Variants in BCL2L14 observed in about 807,000 individuals in gnomAD.
The protein encoded by BCL2L14 is BCL2 like 14.
A neutral mutation model predicts 35.3 loss-of-function variants in BCL2L14; 27 were observed. The ratio of observed to expected loss-of-function variants is 0.76; its 90% CI spans 0.56 to 1.05. The LOEUF (loss-of-function observed/expected upper bound fraction) is 1.05, where lower values mean the gene tolerates loss of function less well. Ranked by LOEUF, BCL2L14 falls within the 50% of genes least tolerant of loss-of-function variation. The pLI, the probability that BCL2L14 is intolerant of heterozygous loss-of-function variation, is 0.00. For synonymous variants in BCL2L14, 139 were observed against 145.9 expected (o/e 0.95, Z 0.34); for missense variants, 377 against 382.6 (o/e 0.99, Z 0.12).
Position 12,098,946 on chromosome 12 carries a change from C to T in BCL2L14, c.946-4C>T. ...AATTTTAAGAACCTATTTTTCCCCT[C>T]TAGGAAAAAATACTTGGGATATCAC... is the stretch of plus-strand genomic sequence containing the variant. On this transcript the variant is annotated splice_region_variant and splice_polypyrimidine_tract_variant and intron_variant, in intron 5 of 5. Coordinates refer to ENST00000308721, the MANE Select transcript of BCL2L14 (RefSeq NM_138723.2). 1 of 1,582,198 alleles carries T rather than the reference C, an allele frequency of 6.3e-7. No individual in the cohort carries two copies. Among genetic ancestry groups the T allele is most frequent in the Non-Finnish European group, 8.7e-7 (1 of 1,151,034 alleles).
upstream of BCL2L14, among the ~76,000 whole-genome samples, chr12:12,066,857 C>T (rs189686717): frequency 2.2e-4 from 34 of 151,640 alleles, no homozygotes; most frequent in East Asian, 5.5e-3. Context: ...ACTACAGGCG[C>T]CCACCACCAT....
At chr12:12,084,594 T>A (rs540786194) in intron 2 of BCL2L14, among the ~76,000 whole-genome samples, 1 of 152,248 alleles carries the variant, frequency 6.6e-6, no homozygotes, top group South Asian at 2.1e-4. Flanking sequence ...ACAGACAGCC[T>A]TTCTGTCTTC....
upstream of BCL2L14, among the ~76,000 whole-genome samples, chr12:12,066,977 T>C (rs2909010): frequency 0.92 from 139,595 of 152,130 alleles, 64,125 homozygotes; most frequent in East Asian, 1. Context: ...CCCAAAGTGC[T>C]GGGATTACAA....
At chr12:12,086,264 G>A (rs2136763304) in intron 2 of BCL2L14, among the ~76,000 whole-genome samples, 2 of 152,314 alleles carry the variant, frequency 1.3e-5, no homozygotes, top group South Asian at 4.1e-4. Context: ...GCTGCAGTGA[G>A]CTGTGATCAC....
intron 2 of BCL2L14, 125 bp from the exon 3 acceptor site, chr12:12,087,087 CA>C: frequency 1.9e-6 from 2 of 1,045,628 alleles, no homozygotes; most frequent in Non-Finnish European, 2.8e-6. Context: ...CCTCCCCCAG[CA>C]CACATACTCC....
upstream of BCL2L14, among the ~76,000 whole-genome samples, chr12:12,069,395 C>A (rs939292238): frequency 2.0e-5 from 3 of 151,960 alleles, no homozygotes; most frequent in Non-Finnish European, 4.4e-5. Flanking sequence ...TCGTCTCCCC[C>A]CAAAAAAAGG....
upstream of BCL2L14, among the ~76,000 whole-genome samples, chr12:12,067,319 G>A (rs753170140): frequency 5.3e-5 from 8 of 152,192 alleles, no homozygotes; most frequent in Admixed American, 2.6e-4. Context: ...GGGAGGCTGA[G>A]GCAGACAAAT....
intron 1 of BCL2L14, among the ~76,000 whole-genome samples, chr12:12,078,710 C>T (rs1948838045): frequency 6.6e-6 from 1 of 152,238 alleles, no homozygotes; most frequent in African/African-American, 2.4e-5. Flanking sequence ...TTGCCTCTTT[C>T]TTTGAAGCTC....
chr12:12,080,507 C>G (rs552524305), intron 2 of BCL2L14, among the ~76,000 whole-genome samples: 1 of 151,864 alleles, frequency 6.6e-6, no homozygotes, highest in East Asian at 1.9e-4. Context: ...GTATTCCCAG[C>G]TACTCGGGAG....
Position 12,090,834 on chromosome 12 carries a change from T to C in BCL2L14, c.663T>C (p.Asp221=). The part of the protein sequence containing the change: ...KIVELLKYSG[D]QLERKLKKDK... ...TTGAGCTGCTGAAATATTCAGGAGA[T>C]CAGTTGGAAAGAAAGGTATGGAACA... The change falls in exon 4 of 6, where the codon GAT becomes GAC. Residue 221 remains aspartate, a synonymous_variant. Transcript: ENST00000308721. The C allele has an allele frequency of 6.2e-7, 1 of 1,612,988 alleles. No homozygotes were observed. Among genetic ancestry groups the C allele is most frequent in the African/African-American group, 1.3e-5 (1 of 74,968 alleles).
intron 1 of BCL2L14, among the ~76,000 whole-genome samples, chr12:12,075,426 TTTCTTTC>T (rs1217835883): frequency 2.3e-5 from 3 of 132,340 alleles, no homozygotes; most frequent in Admixed American, 7.6e-5. Context: ...TCTTTCTTTC[TTTCTTTC>T]TTTTTTTTTT....
intron 1 of BCL2L14, among the ~76,000 whole-genome samples, chr12:12,050,809 A>AAAAAAAG (rs1565431509): frequency 3.0e-5 from 4 of 134,672 alleles, no homozygotes; most frequent in South Asian, 2.4e-4. Flanking sequence ...AAAAAAAAAA[A>AAAAAAAG]AAAAGAAAAG....
intron 5 of BCL2L14, among the ~76,000 whole-genome samples, chr12:12,097,396 AC>A (rs1300059382): frequency 6.6e-5 from 10 of 152,222 alleles, no homozygotes; most frequent in Non-Finnish European, 2.9e-5. Context: ...ACATGGATGA[AC>A]CTTAAAAACA....
intron 4 of BCL2L14, among the ~76,000 whole-genome samples, chr12:12,092,801 G>A (rs1353265617): frequency 6.6e-6 from 1 of 152,122 alleles, no homozygotes; most frequent in African/African-American, 2.4e-5. Flanking sequence ...GGGGGTGGGC[G>A]TGGTTCAGGG....
chr12:12,092,344 G>C (rs998313252), intron 4 of BCL2L14, among the ~76,000 whole-genome samples: 1 of 152,248 alleles, frequency 6.6e-6, no homozygotes. Flanking sequence ...CATTGCTTAT[G>C]GCAAAGCCTT....
Position 12,094,908 on chromosome 12 carries a change from G to T in BCL2L14, c.923G>T (p.Trp308Leu), listed in dbSNP as rs1296807021. 5.0e-6 allele frequency: 8 copies of T among 1,613,656 alleles called. No homozygotes were observed. The highest frequency in any genetic ancestry group is 1.3e-5 in the African/African-American group (1 of 74,894). The change falls in exon 5 of 6, where the codon TGG becomes TTG. Residue 308 changes from tryptophan (W) to leucine (L), a missense_variant. By Grantham distance (61) the Trp-to-Leu change is moderately conservative. Transcript: ENST00000308721. Reference protein sequence around the residue: ...TKYLKENFSPWIQQHGGWEKI... With the variant: ...TKYLKENFSPLIQQHGGWEKI... Reference sequence around the variant, plus strand: ...TACCTGAAAGAGAACTTCTCGCCATGGATCCAGCAGCACGGTGGATGGGTA... The same window carrying T: ...TACCTGAAAGAGAACTTCTCGCCATTGATCCAGCAGCACGGTGGATGGGTA...
intron 1 of BCL2L14, among the ~76,000 whole-genome samples, chr12:12,074,484 TACTC>T (rs1381703917): frequency 1.3e-5 from 2 of 152,302 alleles, no homozygotes; most frequent in African/African-American, 4.8e-5. Flanking sequence ...CTGACTCTAT[TACTC>T]AGTGCAGTGG....
At chr12:12,068,702 G>A (rs1948622799), upstream of BCL2L14, among the ~76,000 whole-genome samples, 2 of 152,030 alleles carry the variant, frequency 1.3e-5, no homozygotes, top group African/African-American at 2.4e-5. Context: ...TACTATCACA[G>A]CGTGAATCCC....
intron 2 of BCL2L14, among the ~76,000 whole-genome samples, chr12:12,056,969 G>C (rs1480239056): frequency 6.6e-6 from 1 of 152,110 alleles, no homozygotes; most frequent in Non-Finnish European, 1.5e-5. Context: ...TTTAACCAAC[G>C]TTAAAGATTA....
Sources: gnomAD v4.1 joint callset for allele counts (sites outside exome capture counted in the v4.1 genomes callset) on GRCh38, gnomAD v4.1.1 for gene constraint, MANE v1.5 for transcripts, NCBI Gene and HGNC (gene_info 2026-07-23, HGNC 2026-07-21) for gene names.